POC1B: variants seen among roughly 807,000 people sequenced by gnomAD.
POC1B encodes the protein POC1 centriolar protein B, also known as POC1 centriolar protein homolog B.
A neutral mutation model predicts 60.6 loss-of-function variants in POC1B; 44 were observed. The ratio of observed to expected loss-of-function variants is 0.73; its 90% confidence interval spans 0.57 to 0.93. POC1B has a LOEUF of 0.93. POC1B is among the 40% of genes least tolerant of loss of function. The probability of loss-of-function intolerance (pLI) is 0.00; values close to 1 mark genes in which losing one functional copy is unlikely to be tolerated. For missense variants in POC1B, 555 were observed against 572.3 expected, an observed-to-expected ratio of 0.97 and a Z score of 0.31; for synonymous variants, 180 against 198.9, an observed-to-expected ratio of 0.90 and a Z score of 0.80.
chr12:89,441,262 A>T (rs1881503303), intron 10 of POC1B, among the ~76,000 whole-genome samples: 1 of 152,174 alleles, frequency 6.6e-6, no homozygotes, highest in African/African-American at 2.4e-5. Context: ...CTTTGAAGAG[A>T]GTAGTGGTTT....
chr12:89,478,991 A>G (rs1002854596), intron 4 of POC1B, among the ~76,000 whole-genome samples: 1 of 152,230 alleles, frequency 6.6e-6, no homozygotes, highest in Non-Finnish European at 1.5e-5. Flanking sequence ...AACTTTTAGA[A>G]AAATTCTTTT....
chr12:89,417,324 C>A (rs34422056), downstream of POC1B, among the ~76,000 whole-genome samples: 3,285 of 152,220 alleles, frequency 0.022, 48 homozygotes, highest in Non-Finnish European at 0.032. Flanking sequence ...AATCAGAACC[C>A]ACCAACTAAT....
chr12:89,445,387 T>C (rs368993253), intron 10 of POC1B, among the ~76,000 whole-genome samples: 3 of 152,290 alleles, frequency 2.0e-5, no homozygotes, highest in Admixed American at 1.3e-4. Context: ...CAAAACAGCA[T>C]GGTACTGGTA....
At chr12:89,469,417 T>C (rs1336095560) in intron 7 of POC1B, among the ~76,000 whole-genome samples, 1 of 152,202 alleles carries the variant, frequency 6.6e-6, no homozygotes, top group Non-Finnish European at 1.5e-5. Flanking sequence ...AATATCACCT[T>C]TCTTTCTAAT....
intron 10 of POC1B, among the ~76,000 whole-genome samples, chr12:89,453,779 C>A (rs570380573): frequency 1.4e-4 from 22 of 152,292 alleles, no homozygotes; most frequent in Admixed American, 1.2e-3. Flanking sequence ...ACTAGTTACT[C>A]AATGTTGTCT....
intron 4 of POC1B, among the ~76,000 whole-genome samples, chr12:89,474,471 C>T (rs769810049): frequency 2.0e-5 from 3 of 152,144 alleles, no homozygotes; most frequent in Non-Finnish European, 4.4e-5. Flanking sequence ...CATCATTATC[C>T]TACCCACATT....
At chr12:89,522,279 T>G in intron 2 of POC1B, 1 of 397,834 alleles carries the variant, frequency 2.5e-6, no homozygotes, top group Non-Finnish European at 4.4e-6. Flanking sequence ...AAACCAGGCC[T>G]TTTGCCTTAA....
chr12:89,431,526 C>G (rs1177514099), intron 10 of POC1B, among the ~76,000 whole-genome samples: 2 of 152,062 alleles, frequency 1.3e-5, no homozygotes, highest in Non-Finnish European at 1.5e-5. Flanking sequence ...CAAAAAAAGC[C>G]TTTTGCCTTG....
chr12:89,431,626 A>T (rs1250060562), intron 10 of POC1B, among the ~76,000 whole-genome samples: 4 of 152,260 alleles, frequency 2.6e-5, no homozygotes, highest in Non-Finnish European at 5.9e-5. Context: ...AAACTTCAAT[A>T]ATCTCTACAT....
Position 89,497,243 on chromosome 12 carries a change from T to C in POC1B, c.200A>G (p.Gln67Arg), listed in dbSNP as rs1316799407. Residue 67 changes from glutamine (Q) to arginine (R), a missense_variant, in exon 3 of 12, where the codon CAG becomes CGG. Coordinates refer to ENST00000313546, the MANE Select transcript of POC1B (RefSeq NM_172240.3). The part of the protein sequence containing the change: ...VGHKDVVTSV[Q>R]FSPHGNLLAS... ...CAATAAGTTTCCATGTGGAGAAAAC[T>C]GCACGCTGGTTACAACATCCTTGTG... The C allele has an allele frequency of 1.2e-6, 2 of 1,613,668 alleles. No homozygotes were observed. The highest frequency in any genetic ancestry group is 2.7e-5 in the African/African-American group (2 of 74,936).
At chr12:89,446,789 G>C (rs181732474) in intron 10 of POC1B, among the ~76,000 whole-genome samples, 2 of 152,072 alleles carry the variant, frequency 1.3e-5, no homozygotes, top group African/African-American at 4.8e-5. Flanking sequence ...ATTGCTGGAT[G>C]AAACAGCTAG....
intron 8 of POC1B, 61 bp downstream of exon 8, chr12:89,467,556 G>A: frequency 7.2e-7 from 1 of 1,379,652 alleles, no homozygotes; most frequent in Non-Finnish European, 1.0e-6. Flanking sequence ...AAAACTCTTA[G>A]CTGAGGTCAA....
rs780529311 is a variant in POC1B, at chr12:89,523,886, C to T, written c.100+1234G>A. 2.3e-5 allele frequency: 36 copies of T among 1,577,408 alleles called. 1 individual carries two copies. The highest frequency in any genetic ancestry group is 1.7e-4 in the Middle Eastern group (1 of 5,836). On this transcript the variant is annotated intron_variant, in intron 2 of 11. Transcript: ENST00000313546. ...CAGTGACAATCCAGGAAAGTGAGGA[C>T]GTCCCCAGTGGCGAAAGTGGCCCCA... is the stretch of plus-strand genomic sequence containing the variant.
At chr12:89,497,450 C>T (rs117230973) in intron 2 of POC1B, 108 bp from the exon 3 acceptor site, 19 of 1,165,850 alleles carry the variant, frequency 1.6e-5, no homozygotes, top group East Asian at 5.0e-5. Flanking sequence ...GGTAATAGAG[C>T]GGCTGGAGGT....
chr12:89,479,801 C>T lies in POC1B; in HGVS notation c.453-7526G>A, dbSNP rs959163753. Among the ~76,000 whole-genome samples the T allele has an allele frequency of 3.9e-5, 6 of 152,172 alleles. No homozygotes were observed. The South Asian group carries it at 1.2e-3, about 32-fold the overall frequency. The stretch of plus-strand genomic sequence containing the variant: ...AAACAATTGCTCTACTGATCCTCTA[C>T]ATTCATTTAAGTACACTATCCATGC... On this transcript the variant is annotated intron_variant, in intron 4 of 11. Transcript: ENST00000313546.
chr12:89,492,065 A>G lies in POC1B; in HGVS notation c.323T>C (p.Val108Ala), dbSNP rs757413601. 1.9e-6 allele frequency: 3 copies of G among 1,604,996 alleles called. No homozygotes were observed. The highest frequency in any genetic ancestry group is 1.7e-4 in the Middle Eastern group (1 of 6,026). ...AAACTGGCCATCAGCTGAAAAGTCT[A>G]CACTTCGAACTGGAGCTGTATGAGC... Reference protein sequence around the residue: ...FKAHTAPVRSVDFSADGQFLA... With the variant: ...FKAHTAPVRSADFSADGQFLA... The change falls in exon 4 of 12, where the codon GTA becomes GCA. Residue 108 changes from valine to alanine, a missense_variant. Val to Ala is a moderately conservative substitution (Grantham distance 64, BLOSUM62 0). Coordinates refer to ENST00000313546, the MANE Select transcript of POC1B (RefSeq NM_172240.3).
At chr12:89,467,466 T>G (rs907772853) in intron 8 of POC1B, 151 bp downstream of exon 8, 1 of 602,426 alleles carries the variant, frequency 1.7e-6, no homozygotes. Context: ...GTTTCAGCTA[T>G]GAGATAGCAG....
intron 2 of POC1B, chr12:89,523,068 T>G: frequency 6.2e-7 from 1 of 1,613,886 alleles, no homozygotes; most frequent in Non-Finnish European, 8.5e-7. Flanking sequence ...AATTAAACCT[T>G]ATTTCTTTGT....
At position 89,443,842 on chromosome 12, in the gene POC1B, T is replaced by C. The variant is rs997598336; in HGVS notation, c.1113+15796A>G. ...TGGTTTTTTGAAAAGATCCACAAAA[T>C]TGATAGACCACTAGCAAGACTAATA... On this transcript the variant is annotated intron_variant, in intron 10 of 11. Transcript: ENST00000313546. Among the ~76,000 whole-genome samples the C allele has an allele frequency of 4.9e-4, 75 of 152,016 alleles. 1 individual carries two copies. The highest frequency in any genetic ancestry group is 1.8e-3 in the African/African-American group (74 of 41,448).
Sources: gnomAD v4.1 joint callset for allele counts (sites outside exome capture counted in the v4.1 genomes callset) on GRCh38, gnomAD v4.1.1 for gene constraint, MANE v1.5 for transcripts, NCBI Gene and HGNC (gene_info 2026-07-23, HGNC 2026-07-21) for gene names.